GPR107: variants seen among roughly 807,000 people sequenced by gnomAD.
GPR107 encodes the protein protein GPR107.
GPR107 carries 31 observed loss-of-function variants against 75.5 expected under a neutral mutation model. The ratio of observed to expected loss-of-function variants is 0.41; its 90% CI spans 0.31 to 0.55. The LOEUF is 0.55. GPR107 is among the 20% of genes least tolerant of loss of function. The pLI, the probability that GPR107 is intolerant of heterozygous loss-of-function variation, is 0.26. For missense variants in GPR107, 572 were observed against 665.7 expected (o/e 0.86, Z 1.55); for synonymous variants, 267 against 251.3 (o/e 1.06, Z -0.59).
chr9:130,120,356 C>A (rs1033685825), intron 14 of GPR107, among the ~76,000 whole-genome samples: 1 of 152,138 alleles, frequency 6.6e-6, no homozygotes, highest in Non-Finnish European at 1.5e-5. Context: ...GACGTGGCGA[C>A]GCATGATGCC....
chr9:130,087,094 A>G (rs1244124778), intron 7 of GPR107, among the ~76,000 whole-genome samples: 2 of 151,826 alleles, frequency 1.3e-5, no homozygotes, highest in Admixed American at 1.3e-4. Context: ...CTGGAGTGCA[A>G]TGGTATAATC....
chr9:130,139,126 T>A lies in GPR107; in HGVS notation c.*4005T>A, dbSNP rs111416152. 2,338 of 152,422 alleles carry A rather than the reference T, an allele frequency of 0.015. 26 individuals carry two copies. The highest frequency in any genetic ancestry group is 0.037 in the Middle Eastern group (11 of 294). The allele number at this position is 152,422 out of a possible 1,614,324, so 9.4% of individuals were successfully genotyped here. A position where few individuals can be genotyped will look rare whatever the true frequency, so the allele number is the denominator to read the frequency against. ...CGCCCCTGGCCTTGTAAGACTCACG[T>A]AAGCTAAGTCCAGGATGCCTGTGGC... On this transcript the variant is annotated 3_prime_UTR_variant, in exon 18 of 18. Coordinates refer to ENST00000347136, the MANE Select transcript of GPR107 (RefSeq NM_020960.5).
chr9:130,113,193 T>C (rs1243666082), intron 14 of GPR107, among the ~76,000 whole-genome samples: 1 of 151,120 alleles, frequency 6.6e-6, no homozygotes, highest in Non-Finnish European at 1.5e-5. Flanking sequence ...AAAAGAAAAC[T>C]TGTGTTTATC....
At chr9:130,115,647 G>C (rs1048375630) in intron 14 of GPR107, among the ~76,000 whole-genome samples, 9 of 149,172 alleles carry the variant, frequency 6.0e-5, no homozygotes, top group Non-Finnish European at 1.0e-4. Context: ...TGCCTGTAGT[G>C]CCAGCTACTC....
chr9:130,082,644 A>AT (rs1166724630), intron 5 of GPR107, among the ~76,000 whole-genome samples: 3 of 151,374 alleles, frequency 2.0e-5, no homozygotes, highest in Non-Finnish European at 4.4e-5. Context: ...CACGTGGCTA[A>AT]TTTTTTTGTA....
intron 17 of GPR107, among the ~76,000 whole-genome samples, chr9:130,134,470 C>T (rs903502851): frequency 6.6e-6 from 1 of 152,252 alleles, no homozygotes; most frequent in Non-Finnish European, 1.5e-5. Context: ...GAGGCACAGC[C>T]ACATGGCCCA....
Position 130,092,366 on chromosome 9 carries a change from T to G in GPR107, c.848T>G (p.Ile283Ser). 4 of 1,612,550 alleles carry G rather than the reference T, an allele frequency of 2.5e-6. No homozygotes were observed. The highest frequency in any genetic ancestry group is 3.4e-6 in the Non-Finnish European group (4 of 1,178,530). ...FFLSGTIWIH[I>S]LRKRRNDVFK... ...CTTTCTGGGACCATCTGGATTCATA[T>G]CCTTCGAAAACGACGGTAAACTATT... The change falls in exon 9 of 18, where the codon ATC becomes AGC. Residue 283 changes from isoleucine (I) to serine (S), a missense_variant. Physicochemically the swap from Ile to Ser is moderately radical, Grantham distance 142. Transcript: ENST00000347136.
Position 130,121,485 on chromosome 9 carries a change from A to G in GPR107, c.1307-3430A>G, listed in dbSNP as rs1206755841. ...ACCCCCAAAACCAACAAGGAGAACA[A>G]GCTCAGTCTTCTGTGTCTTAATTTT... On this transcript the variant is annotated intron_variant, in intron 14 of 17. Coordinates refer to ENST00000347136, the MANE Select transcript of GPR107 (RefSeq NM_020960.5). 3.9e-5 allele frequency among the ~76,000 whole-genome samples: 6 copies of G among 152,334 alleles called. No individual in the cohort carries two copies. The South Asian group carries it at 8.3e-4, about 21-fold the overall frequency.
At chr9:130,073,776 G>T (rs1375595489) in intron 1 of GPR107, among the ~76,000 whole-genome samples, 1 of 152,170 alleles carries the variant, frequency 6.6e-6, no homozygotes, top group East Asian at 1.9e-4. Flanking sequence ...TTGTTTTTGA[G>T]ACAGAGTCTC....
rs1831921085 is a variant in GPR107 at position 130,135,132 on chromosome 9, C to T, written c.*11C>T. 1.3e-6 allele frequency: 2 copies of T among 1,496,536 alleles called. No homozygotes were observed. The highest frequency in any genetic ancestry group is 1.1e-5 in the South Asian group (1 of 87,740). 92.7% of individuals were successfully genotyped at this position (1,496,536 alleles called of 1,614,324 possible). ...GAAGGCGCCGTGTGACAGAGCCGAC[C>T]CTGAGGATGGCACTGTCCAAGGAAA... is the stretch of plus-strand genomic sequence containing the variant. On this transcript the variant is annotated 3_prime_UTR_variant, in exon 18 of 18. Coordinates refer to ENST00000347136, the MANE Select transcript of GPR107 (RefSeq NM_020960.5).
chr9:130,128,180 T>C (rs1251289431), intron 16 of GPR107, among the ~76,000 whole-genome samples: 1 of 152,256 alleles, frequency 6.6e-6, no homozygotes, highest in East Asian at 1.9e-4. Context: ...TTAGATGAGA[T>C]GTGGTCCTTT....
chr9:130,108,354 A>T (rs1831209315), intron 14 of GPR107, among the ~76,000 whole-genome samples: 1 of 152,256 alleles, frequency 6.6e-6, no homozygotes. Flanking sequence ...TCTGATTATA[A>T]AGCCAATGTA....
At chr9:130,064,202 TTTTTTTG>T (rs1157538705) in intron 1 of GPR107, among the ~76,000 whole-genome samples, 3 of 72,992 alleles carry the variant, frequency 4.1e-5, no homozygotes, top group Non-Finnish European at 5.7e-5. Flanking sequence ...TTTTTTTTTT[TTTTTTTG>T]AGACGGAGTC....
intron 7 of GPR107, 25 bp from the exon 8 acceptor site, chr9:130,090,851 T>G: frequency 2.3e-6 from 2 of 859,788 alleles, no homozygotes; most frequent in Non-Finnish European, 3.9e-6. Context: ...TGGGTACCTT[T>G]AAATGTTTTC....
At chr9:130,124,882 C>G in intron 14 of GPR107, 33 bp from the exon 15 acceptor site, 1 of 1,404,050 alleles carries the variant, frequency 7.1e-7, no homozygotes, top group South Asian at 1.3e-5. Context: ...GAGAAGTTAA[C>G]GAGCTCTTCA....
At chr9:130,110,954 C>T (rs1831283656) in intron 14 of GPR107, among the ~76,000 whole-genome samples, 1 of 152,176 alleles carries the variant, frequency 6.6e-6, no homozygotes, top group Non-Finnish European at 1.5e-5. Context: ...GTTTCCTGTT[C>T]TCAGGCTCAT....
rs559416640 is a variant in GPR107 at position 130,092,184 on chromosome 9, C to T, written c.730-64C>T. The T allele has an allele frequency of 1.6e-4, 227 of 1,418,676 alleles. 1 individual carries two copies. The South Asian group carries it at 2.5e-3, about 16-fold the overall frequency. 87.9% of individuals were successfully genotyped at this position (1,418,676 alleles called of 1,614,324 possible). A position where few individuals can be genotyped will look rare whatever the true frequency, so the allele number is the denominator to read the frequency against. On this transcript the variant is annotated intron_variant, in intron 8 of 17. Transcript: ENST00000347136. ...AGCTTAAGTGAAACAACTGAGATTC[C>T]AAATTGCTGAATAAGGGATGATATG...
rs567606111 is a variant in GPR107 at position 130,064,452 on chromosome 9, G to A, written c.141+10379G>A. Among the ~76,000 whole-genome samples the A allele has an allele frequency of 2.7e-5, 4 of 150,660 alleles. No individual in the cohort carries two copies. The East Asian group carries it at 5.9e-4, about 22-fold the overall frequency. On this transcript the variant is annotated intron_variant, in intron 1 of 17. Coordinates refer to ENST00000347136, the MANE Select transcript of GPR107 (RefSeq NM_020960.5). ...CCTGACCTCATGATCCACCCGCCTC[G>A]GCCTCCCAAAGTGCTGGGATTACAG...
intron 3 of GPR107, among the ~76,000 whole-genome samples, chr9:130,076,891 T>TC (rs923142823): frequency 1.3e-5 from 2 of 150,434 alleles, no homozygotes; most frequent in Non-Finnish European, 3.0e-5. Context: ...CTTTTGTTTT[T>TC]TGTTTTTTTT....
Sources: allele counts gnomAD v4.1 joint callset (sites outside exome capture counted in the v4.1 genomes callset), GRCh38; gene constraint gnomAD v4.1.1; transcripts MANE v1.5; gene names NCBI Gene and HGNC (gene_info 2026-07-23, HGNC 2026-07-21).